The following CTNND2 variants were observed in gnomAD, a reference collection of about 807,000 sequenced individuals.
The protein encoded by CTNND2 is catenin delta 2, also known as catenin delta-2.
In CTNND2, 22 loss-of-function variants were observed where a neutral mutation model predicts 144.4. The observed-to-expected ratio is 0.15, with a 90% CI of 0.11 to 0.22. The LOEUF is 0.22. Ranked by LOEUF, CTNND2 falls within the 10% of genes least tolerant of loss-of-function variation. CTNND2 has a pLI of 1.00. For synonymous variants in CTNND2, 751 were observed against 695.6 expected (o/e 1.08, Z -1.25); for missense variants, 1,353 against 1,618.8 (o/e 0.84, Z 2.82).
At chr5:11,292,994 G>T (rs2530211) in intron 9 of CTNND2, among the ~76,000 whole-genome samples, 25,025 of 152,166 alleles carry the variant, frequency 0.16, 2,359 homozygotes, top group African/African-American at 0.25. Flanking sequence ...CCAAGCATCA[G>T]CCAATGTGCT....
At chr5:11,639,117 T>C (rs572497729) in intron 2 of CTNND2, among the ~76,000 whole-genome samples, 71 of 152,046 alleles carry the variant, frequency 4.7e-4, no homozygotes, top group Admixed American at 1.7e-3. Flanking sequence ...GACATTTGAG[T>C]TTGTTACAAT....
At chr5:11,899,703 C>A (rs1271976389) in intron 1 of CTNND2, among the ~76,000 whole-genome samples, 1 of 152,064 alleles carries the variant, frequency 6.6e-6, no homozygotes, top group Non-Finnish European at 1.5e-5. Flanking sequence ...ATTTACAAGC[C>A]ACTTATCCAT....
chr5:11,384,128 G>C lies in CTNND2; in HGVS notation c.1177+537C>G, dbSNP rs1561312027. On this transcript the variant is annotated intron_variant, in intron 7 of 21. Coordinates refer to ENST00000304623, the MANE Select transcript of CTNND2 (RefSeq NM_001332.4). The surrounding 1 kb of genome is among the most constrained non-coding windows in gnomAD (Gnocchi z 5.2). ...TCCCAATAACTAATTTAGCAAAGAT[G>C]TAAATAAATTCAAGCCAAAACAAAA... Among the ~76,000 whole-genome samples the C allele has an allele frequency of 6.6e-6, 1 of 152,216 alleles. No homozygotes were observed. The highest frequency in any genetic ancestry group is 1.5e-5 in the Non-Finnish European group (1 of 68,042).
intron 3 of CTNND2, among the ~76,000 whole-genome samples, chr5:11,485,527 C>T (rs1435228435): frequency 1.3e-5 from 2 of 152,046 alleles, no homozygotes; most frequent in East Asian, 3.8e-4. Flanking sequence ...TCAAAATATA[C>T]TCTAAAATAA....
At chr5:11,690,985 G>C (rs951158651) in intron 2 of CTNND2, among the ~76,000 whole-genome samples, 2 of 152,142 alleles carry the variant, frequency 1.3e-5, no homozygotes, top group African/African-American at 4.8e-5. Flanking sequence ...ACCATAATGA[G>C]AGCTGCATTG....
At chr5:10,982,167 A>T (rs1737364943) in intron 20 of CTNND2, among the ~76,000 whole-genome samples, 1 of 152,240 alleles carries the variant, frequency 6.6e-6, no homozygotes, top group African/African-American at 2.4e-5. Context: ...CTGGCAGGTA[A>T]TAAAGGCTTG....
At chr5:11,771,638 T>C (rs772784484) in intron 1 of CTNND2, among the ~76,000 whole-genome samples, 1 of 152,232 alleles carries the variant, frequency 6.6e-6, no homozygotes, top group Non-Finnish European at 1.5e-5. Context: ...TACCTTCTCC[T>C]GACCCCCGTC....
intron 1 of CTNND2, among the ~76,000 whole-genome samples, chr5:11,809,234 A>G (rs994743250): frequency 6.6e-6 from 1 of 152,216 alleles, no homozygotes; most frequent in Non-Finnish European, 1.5e-5. Flanking sequence ...CATTTATTCT[A>G]GGATTCCATT....
intron 2 of CTNND2, 117 bp from the exon 3 acceptor site, chr5:11,565,173 A>T: frequency 1.4e-6 from 1 of 718,000 alleles, no homozygotes; most frequent in Non-Finnish European, 2.5e-6. Context: ...GTCAAATTTG[A>T]GAAATGTGCA....
rs61758937 is a variant in CTNND2 at position 11,464,354 on chromosome 5, G to C, written c.288-52285C>G. ...AGGGGTTTCACTGAGAGGTACTAAG[G>C]CATGGTGATCACTGGGAGGAGAGAG... On this transcript the variant is annotated intron_variant, in intron 3 of 21. Transcript: ENST00000304623. Among the ~76,000 whole-genome samples, 847 of 152,244 alleles carry C rather than the reference G, an allele frequency of 5.6e-3. 7 individuals are homozygous for C. The highest frequency in any genetic ancestry group is 0.045 in the South Asian group (216 of 4,810).
At chr5:11,209,164 C>A (rs1455281669) in intron 10 of CTNND2, among the ~76,000 whole-genome samples, 1 of 152,128 alleles carries the variant, frequency 6.6e-6, no homozygotes, top group Non-Finnish European at 1.5e-5. Flanking sequence ...CAATTTCAAT[C>A]AAAATTCAAG....
chr5:11,377,813 AG>A (rs1758088048), intron 7 of CTNND2, among the ~76,000 whole-genome samples: 1 of 152,206 alleles, frequency 6.6e-6, no homozygotes, highest in Admixed American at 6.5e-5. Context: ...TTCCCACTTC[AG>A]TTTGACCTGG....
At chr5:11,610,839 C>A (rs1780284963) in intron 2 of CTNND2, among the ~76,000 whole-genome samples, 1 of 152,116 alleles carries the variant, frequency 6.6e-6, no homozygotes, top group African/African-American at 2.4e-5. Flanking sequence ...ATATTTTTTA[C>A]AAGTGATCAA....
chr5:11,092,318 C>G (rs2149655116), intron 15 of CTNND2, among the ~76,000 whole-genome samples: 1 of 152,280 alleles, frequency 6.6e-6, no homozygotes, highest in African/African-American at 2.4e-5. Context: ...TCAGCTGTTT[C>G]TACAACTTTA....
chr5:10,978,077 AC>A (rs1736726687), intron 21 of CTNND2, among the ~76,000 whole-genome samples: 1 of 152,130 alleles, frequency 6.6e-6, no homozygotes, highest in African/African-American at 2.4e-5. Flanking sequence ...TGACTGAGCC[AC>A]CCGGGAGACA....
At chr5:11,317,554 G>A (rs1751638732) in intron 9 of CTNND2, among the ~76,000 whole-genome samples, 2 of 152,048 alleles carry the variant, frequency 1.3e-5, no homozygotes, top group Non-Finnish European at 2.9e-5. Flanking sequence ...TCCACTGAAA[G>A]TATATTTCTT....
At chr5:11,509,369 T>G (rs934987839) in intron 3 of CTNND2, among the ~76,000 whole-genome samples, 2 of 152,132 alleles carry the variant, frequency 1.3e-5, no homozygotes, top group Non-Finnish European at 2.9e-5. Context: ...AAAAAACCCA[T>G]TTAAAAGCCA....
At chr5:11,711,383 T>TA (rs1207807859) in intron 2 of CTNND2, among the ~76,000 whole-genome samples, 2 of 152,164 alleles carry the variant, frequency 1.3e-5, no homozygotes, top group Admixed American at 6.5e-5. Flanking sequence ...TAGCATTTTT[T>TA]TATATATATT....
intron 10 of CTNND2, among the ~76,000 whole-genome samples, chr5:11,227,414 G>A (rs567166325): frequency 2.5e-4 from 38 of 152,250 alleles, no homozygotes; most frequent in African/African-American, 7.5e-4. Context: ...CTCCAAAGCC[G>A]TTGCTATAAG....
Sources: gnomAD v4.1 joint callset for allele counts (sites outside exome capture counted in the v4.1 genomes callset) on GRCh38, gnomAD v4.1.1 for gene constraint, Gnocchi (gnomAD v3.1) non-coding constraint, MANE v1.5 for transcripts, NCBI Gene and HGNC (gene_info 2026-07-23, HGNC 2026-07-21) for gene names.